The following RGS12 variants were observed in gnomAD, a reference collection of about 807,000 sequenced individuals.
The protein encoded by RGS12 is regulator of G protein signaling 12.
Under a neutral mutation model 120.1 loss-of-function variants are expected in RGS12, and 66 were observed. The ratio of observed to expected loss-of-function variants is 0.55; its 90% CI spans 0.45 to 0.67. The LOEUF is 0.67. RGS12 is among the 30% of genes least tolerant of loss of function. The pLI, the probability that RGS12 is intolerant of heterozygous loss-of-function variation, is 0.00. For missense variants in RGS12, 1,859 were observed against 1,957.7 expected, an observed-to-expected ratio of 0.95 and a Z score of 0.95; for synonymous variants, 827 against 804.7, an observed-to-expected ratio of 1.03 and a Z score of -0.47.
At chr4:3,409,217 G>A (rs1721474217) in intron 4 of RGS12, among the ~76,000 whole-genome samples, 1 of 152,198 alleles carries the variant, frequency 6.6e-6, no homozygotes, top group South Asian at 2.1e-4. Context: ...CACAGCATCT[G>A]CCTCTGCAGG....
At chr4:3,404,158 C>T (rs1015519469) in intron 4 of RGS12, among the ~76,000 whole-genome samples, 14 of 152,306 alleles carry the variant, frequency 9.2e-5, no homozygotes, top group African/African-American at 3.4e-4. Flanking sequence ...GGTGTAAGCT[C>T]CTTCGTCTAC....
chr4:3,355,382 T>C (rs1714769736), intron 3 of RGS12, among the ~76,000 whole-genome samples: 1 of 152,182 alleles, frequency 6.6e-6, no homozygotes, highest in South Asian at 2.1e-4. Context: ...TTACCGGAAG[T>C]CCTGGTTAGT....
chr4:3,318,881 C>T (rs1724990061), intron 2 of RGS12, among the ~76,000 whole-genome samples: 1 of 152,180 alleles, frequency 6.6e-6, no homozygotes, highest in African/African-American at 2.4e-5. Flanking sequence ...AGCCAGGGCC[C>T]TTGTGACAGG....
upstream of RGS12, chr4:3,292,959 C>T (rs1723122520): frequency 7.2e-6 from 1 of 139,680 alleles, no homozygotes; most frequent in Admixed American, 7.0e-5. Context: ...CGCCCCGCCC[C>T]TCTCCGTCCC....
At chr4:3,286,266 G>C in the RGS12 span, among the ~76,000 whole-genome samples, 1 of 152,202 alleles carries the variant, frequency 6.6e-6, no homozygotes, top group Non-Finnish European at 1.5e-5. Context: ...CCCAGGCCGC[G>C]TGTGGTTTCT....
chr4:3,421,733 G>T (rs1470320033), intron 10 of RGS12, among the ~76,000 whole-genome samples: 1 of 152,228 alleles, frequency 6.6e-6, no homozygotes, highest in Non-Finnish European at 1.5e-5. Context: ...GGAGGCCCAG[G>T]CTTGGAGCCG....
chr4:3,340,523 C>A (rs184064738), intron 2 of RGS12, among the ~76,000 whole-genome samples: 2 of 152,194 alleles, frequency 1.3e-5, no homozygotes, highest in Non-Finnish European at 2.9e-5. Context: ...AGCGTGGACA[C>A]GGACGCCAGC....
At chr4:3,368,668 A>C (rs1256682137) in intron 3 of RGS12, among the ~76,000 whole-genome samples, 1 of 40,614 alleles carries the variant, frequency 2.5e-5, no homozygotes, top group Non-Finnish European at 4.3e-5. Context: ...ATGTGTGTGT[A>C]GGGGGGGTGC....
upstream of RGS12, among the ~76,000 whole-genome samples, chr4:3,288,313 G>T (rs1387026849): frequency 6.6e-6 from 1 of 152,110 alleles, no homozygotes; most frequent in Non-Finnish European, 1.5e-5. This position sits in a 1 kb window ranked among gnomAD's most constrained non-coding sequence, Gnocchi z 5.2. Context: ...TGACAAGGGG[G>T]CCCCGTGGGT....
intron 2 of RGS12, among the ~76,000 whole-genome samples, chr4:3,319,935 G>C (rs140477248): frequency 1.5e-3 from 234 of 152,368 alleles, no homozygotes; most frequent in African/African-American, 5.6e-3. Flanking sequence ...CTCAGTGTGG[G>C]CTGCCTGTAT....
chr4:3,382,793 C>T (rs1718400977), intron 3 of RGS12, among the ~76,000 whole-genome samples: 1 of 152,214 alleles, frequency 6.6e-6, no homozygotes, highest in South Asian at 2.1e-4. Flanking sequence ...ACTTCACTTA[C>T]TGTATTTTCA....
At chr4:3,415,355 A>G (rs938571517) in intron 6 of RGS12, among the ~76,000 whole-genome samples, 6 of 152,198 alleles carry the variant, frequency 3.9e-5, no homozygotes, top group African/African-American at 1.4e-4. Context: ...ATGATATTTA[A>G]TTTTGCCTAA....
rs1723922069 is a variant in RGS12 at position 3,428,589 on chromosome 4, C to G, written c.3443C>G (p.Ser1148Cys). The change falls in exon 16 of 18, where the codon TCT (serine) becomes TGT (cysteine). Residue 1148 changes from serine (S) to cysteine (C), a missense_variant. By Grantham distance (112) the Ser-to-Cys change is moderately radical. Transcript: ENST00000336727. ...GEERTLGKSN[S>C]IKIKGENGKN... The stretch of plus-strand genomic sequence containing the variant: ...GAAAGAACACTAGGCAAGTCTAATT[C>G]TATTAAAATAAAAGGAGAAAATGGA... 6.2e-7 allele frequency: 1 copy of G among 1,601,990 alleles called. No individual in the cohort carries two copies. Among genetic ancestry groups the G allele is most frequent in the Middle Eastern group, 1.7e-4 (1 of 5,994 alleles).
intron 3 of RGS12, chr4:3,370,149 C>G: frequency 6.5e-7 from 1 of 1,540,824 alleles, no homozygotes; most frequent in South Asian, 1.3e-5. Context: ...CCATGGGTTA[C>G]GAAGGGAGCG....
intron 3 of RGS12, among the ~76,000 whole-genome samples, chr4:3,376,708 C>G (rs1393286423): frequency 6.6e-6 from 1 of 152,204 alleles, no homozygotes; most frequent in Non-Finnish European, 1.5e-5. Flanking sequence ...TTTGCCGGTC[C>G]CTTGGAGGGT....
In RGS12 at chr4:3,390,835, C is replaced by T. The variant is rs1719422098; in HGVS notation, c.2020+4398C>T. Among the ~76,000 whole-genome samples the T allele has an allele frequency of 6.6e-6, 1 of 152,134 alleles. No individual in the cohort carries two copies. The highest frequency in any genetic ancestry group is 1.5e-5 in the Non-Finnish European group (1 of 68,026). Reference sequence around the variant, plus strand: ...TGATGGGGGAGGGTTACCGTAATTGCCGGATTAACTTGGGGGACTTTAAAC... The same window carrying T: ...TGATGGGGGAGGGTTACCGTAATTGTCGGATTAACTTGGGGGACTTTAAAC... On this transcript the variant is annotated intron_variant, in intron 4 of 17. Coordinates refer to ENST00000336727, the MANE Select transcript of RGS12 (RefSeq NM_001394154.1). The surrounding 1 kb of genome is among the most constrained non-coding windows in gnomAD (Gnocchi z 4.6).
At chr4:3,370,230 C>A in intron 3 of RGS12, 1 of 1,613,272 alleles carries the variant, frequency 6.2e-7, no homozygotes, top group Non-Finnish European at 8.5e-7. Context: ...AATGGTGTGT[C>A]TTAGACCCGG....
Position 3,423,565 on chromosome 4 carries a change from C to T in RGS12, c.3158C>T (p.Thr1053Ile), listed in dbSNP as rs2109171717. The T allele has an allele frequency of 6.2e-7, 1 of 1,612,992 alleles. No individual in the cohort carries two copies. Among genetic ancestry groups the T allele is most frequent in the Non-Finnish European group, 8.5e-7 (1 of 1,179,964 alleles). ...TCAGTGGGACTCAAGGCCAAGCCCA[C>T]CAAGCCCGTCACGGAGGTGCTGCGG... ...NRSVGLKAKP[T>I]KPVTEVLRPV... Residue 1053 changes from threonine (T) to isoleucine (I), a missense_variant, in exon 13 of 18, where the codon ACC (threonine) becomes ATC (isoleucine). By Grantham distance (89) the Thr-to-Ile change is moderately conservative. Around this residue, in one of 3 missense-constraint regions of RGS12, gnomAD observed 375 missense variants for 475.0 expected, o/e 0.79. Coordinates refer to ENST00000336727, the MANE Select transcript of RGS12 (RefSeq NM_001394154.1).
rs559924783 is a variant in RGS12, at chr4:3,362,758, G to T, written c.1998+19705G>T. On this transcript the variant is annotated intron_variant, in intron 3 of 17. Coordinates refer to ENST00000336727, the MANE Select transcript of RGS12 (RefSeq NM_001394154.1). ...ATGTCTGTGTGAGGGTGTGTGTGAA[G>T]ATGTGAGGGTGTGAGTTAGGGTGTG... Among the ~76,000 whole-genome samples, 428 of 131,596 alleles carry T rather than the reference G, an allele frequency of 3.3e-3. 2 individuals are homozygous for T. Among genetic ancestry groups the T allele is most frequent in the Middle Eastern group, 0.016 (3 of 188 alleles). 86.3% of individuals were successfully genotyped at this position (131,596 alleles called of 152,430 possible). A position where few individuals can be genotyped will look rare whatever the true frequency, so the allele number is the denominator to read the frequency against.
Sources: allele counts gnomAD v4.1 joint callset (sites outside exome capture counted in the v4.1 genomes callset), GRCh38; gene constraint gnomAD v4.1.1; regional missense constraint gnomAD v4.1.1; non-coding constraint Gnocchi (gnomAD v3.1); transcripts MANE v1.5; gene names NCBI Gene and HGNC (gene_info 2026-07-23, HGNC 2026-07-21).